Variants in NRXN3 observed in about 807,000 individuals in gnomAD.
The protein encoded by NRXN3 is neurexin III.
NRXN3 carries 32 observed loss-of-function variants against 137.6 expected under a neutral mutation model. The observed-to-expected ratio is 0.23, with a 90% CI of 0.18 to 0.31. The LOEUF is 0.31. Ranked by LOEUF, NRXN3 falls within the 10% of genes least tolerant of loss-of-function variation. NRXN3 has a pLI of 1.00. For synonymous variants in NRXN3, 798 were observed against 784.5 expected, an observed-to-expected ratio of 1.02 and a Z score of -0.29; for missense variants, 1,574 against 2,062.5, an observed-to-expected ratio of 0.76 and a Z score of 4.59.
At chr14:79,546,292 C>T (rs906701984) in intron 16 of NRXN3, among the ~76,000 whole-genome samples, 3 of 152,102 alleles carry the variant, frequency 2.0e-5, no homozygotes, top group African/African-American at 7.2e-5. Context: ...AAAATACTTT[C>T]CTTATACAAT....
chr14:79,173,312 T>C (rs1014948596), intron 15 of NRXN3, among the ~76,000 whole-genome samples: 4 of 151,996 alleles, frequency 2.6e-5, no homozygotes, highest in African/African-American at 4.8e-5. Flanking sequence ...GGAGGATCAC[T>C]TGAGCCCAGG....
intron 15 of NRXN3, among the ~76,000 whole-genome samples, chr14:79,349,520 C>CT (rs1181439332): frequency 2.0e-5 from 3 of 146,518 alleles, no homozygotes; most frequent in African/African-American, 7.8e-5. Flanking sequence ...TGTATCTCAC[C>CT]TCCGTCCTCC....
intron 15 of NRXN3, among the ~76,000 whole-genome samples, chr14:79,316,846 G>A (rs1285391170): frequency 1.3e-5 from 2 of 151,726 alleles, no homozygotes; most frequent in Non-Finnish European, 2.9e-5. Flanking sequence ...TCATTTCCTA[G>A]GAATGCCATA....
chr14:79,678,293 G>A (rs2098651595), intron 17 of NRXN3, among the ~76,000 whole-genome samples: 1 of 152,140 alleles, frequency 6.6e-6, no homozygotes, highest in Non-Finnish European at 1.5e-5. Context: ...AAGGACAAAA[G>A]CAACTCTAAT....
chr14:79,392,118 T>C (rs1037207499), intron 15 of NRXN3, among the ~76,000 whole-genome samples: 7 of 152,150 alleles, frequency 4.6e-5, no homozygotes, highest in Non-Finnish European at 8.8e-5. Context: ...ACATGAGGAA[T>C]TTCTCCTAAT....
At chr14:79,569,663 G>C (rs868380487) in intron 16 of NRXN3, among the ~76,000 whole-genome samples, 4 of 151,814 alleles carry the variant, frequency 2.6e-5, no homozygotes, top group African/African-American at 9.7e-5. Flanking sequence ...GAGAGACAGA[G>C]AGAGGCATGA....
chr14:79,003,139 C>T (rs888440499), intron 15 of NRXN3, among the ~76,000 whole-genome samples: 12 of 152,188 alleles, frequency 7.9e-5, no homozygotes, highest in African/African-American at 2.9e-4. Context: ...TCACAGTACC[C>T]AGTATATCCT....
At chr14:79,835,535 A>G (rs1005066060) in intron 20 of NRXN3, among the ~76,000 whole-genome samples, 1 of 152,144 alleles carries the variant, frequency 6.6e-6, no homozygotes, top group African/African-American at 2.4e-5. Flanking sequence ...CTCCATATAT[A>G]CATTTTTTGG....
intron 17 of NRXN3, among the ~76,000 whole-genome samples, chr14:79,671,643 AT>A (rs1200600709): frequency 1.3e-5 from 2 of 152,086 alleles, no homozygotes; most frequent in Non-Finnish European, 1.5e-5. Flanking sequence ...GGTGCTTAGT[AT>A]TTTTTTAATT....
intron 4 of NRXN3, among the ~76,000 whole-genome samples, chr14:78,573,633 A>G (rs1336690928): frequency 6.6e-6 from 1 of 152,248 alleles, no homozygotes; most frequent in Non-Finnish European, 1.5e-5. Flanking sequence ...GCAGCAAATC[A>G]TTCAAGAGGT....
intron 15 of NRXN3, among the ~76,000 whole-genome samples, chr14:79,153,423 GAGAA>G (rs1161723147): frequency 1.3e-5 from 2 of 152,078 alleles, no homozygotes; most frequent in East Asian, 1.9e-4. Context: ...GAGAAAGAGA[GAGAA>G]AGAAACTCCT....
chr14:79,494,493 T>C (rs992667487), intron 16 of NRXN3, among the ~76,000 whole-genome samples: 2 of 152,194 alleles, frequency 1.3e-5, no homozygotes, highest in African/African-American at 4.8e-5. Flanking sequence ...CAACACCGTC[T>C]TTCTTACCAG....
chr14:78,749,586 G>A (rs1001934702), intron 8 of NRXN3, among the ~76,000 whole-genome samples: 2 of 152,172 alleles, frequency 1.3e-5, no homozygotes, highest in African/African-American at 4.8e-5. Flanking sequence ...TGAAGCTGAT[G>A]TTCTGGAAAA....
At chr14:79,155,370 A>G (rs1281024798) in intron 15 of NRXN3, among the ~76,000 whole-genome samples, 1 of 151,924 alleles carries the variant, frequency 6.6e-6, no homozygotes, top group Non-Finnish European at 1.5e-5. Flanking sequence ...TTAGATACTC[A>G]TTCAAAGATG....
chr14:79,104,806 T>C (rs1057213828), intron 15 of NRXN3, among the ~76,000 whole-genome samples: 1 of 151,118 alleles, frequency 6.6e-6, no homozygotes, highest in Non-Finnish European at 1.5e-5. Flanking sequence ...GTTTGTAAAA[T>C]TTTAATCTTA....
At chr14:79,595,361 T>A (rs1276961292) in intron 16 of NRXN3, among the ~76,000 whole-genome samples, 1 of 152,240 alleles carries the variant, frequency 6.6e-6, no homozygotes, top group Non-Finnish European at 1.5e-5. Context: ...ATTTTCATAG[T>A]TGCTTACTAT....
At chr14:79,687,285 C>T (rs1162563813) in intron 17 of NRXN3, among the ~76,000 whole-genome samples, 1 of 152,214 alleles carries the variant, frequency 6.6e-6, no homozygotes, top group South Asian at 2.1e-4. Context: ...ACACCTCCCT[C>T]TCTGACTCTG....
Position 78,988,134 on chromosome 14 carries a change from C to T in NRXN3, c.3255C>T (p.Cys1085=), listed in dbSNP as rs1210110114. The part of the protein sequence containing the change: ...CSMTSYSGNQ[C]NDPGATYIFG... ...TGACCTCTTATTCTGGAAACCAGTG[C>T]AATGATCGTAAGTACAACAACCTTT... The change falls in exon 15 of 21, where the codon TGC becomes TGT. Residue 1085 remains cysteine (C), a synonymous_variant. Transcript: ENST00000335750. The T allele has an allele frequency of 6.2e-7, 1 of 1,613,754 alleles. No individual in the cohort carries two copies. The highest frequency in any genetic ancestry group is 8.5e-7 in the Non-Finnish European group (1 of 1,179,800).
chr14:78,315,157 G>T (rs992626310), intron 4 of NRXN3, among the ~76,000 whole-genome samples: 2 of 151,230 alleles, frequency 1.3e-5, no homozygotes, highest in Non-Finnish European at 2.9e-5. Flanking sequence ...GATTACAGGC[G>T]CTTACCAGCT....
Sources: gnomAD v4.1 joint callset for allele counts (sites outside exome capture counted in the v4.1 genomes callset) on GRCh38, gnomAD v4.1.1 for gene constraint, MANE v1.5 for transcripts, NCBI Gene and HGNC (gene_info 2026-07-23, HGNC 2026-07-21) for gene names.